The following CIMAP1D variants were observed in gnomAD, a reference collection of about 807,000 sequenced individuals.
The protein encoded by CIMAP1D is protein CIMAP1D.
chr19:477,702 G>C, the CIMAP1D span, among the ~76,000 whole-genome samples: 2 of 152,072 alleles, frequency 1.3e-5, no homozygotes, highest in Admixed American at 1.3e-4. Context: ...TCGCTCTGTC[G>C]CCCAGGCTGG....
chr19:463,793 C>A, the CIMAP1D span: 1 of 1,497,618 alleles, frequency 6.7e-7, no homozygotes, highest in Non-Finnish European at 8.8e-7. Flanking sequence ...AAGCCAGGCC[C>A]CAGGAGAGGC....
chr19:477,264 A>G, the CIMAP1D span, among the ~76,000 whole-genome samples: 1 of 152,180 alleles, frequency 6.6e-6, no homozygotes, highest in Non-Finnish European at 1.5e-5. Flanking sequence ...GAAATCCATG[A>G]AATTGAAAAC....
the CIMAP1D span, among the ~76,000 whole-genome samples, chr19:466,371 T>TGGGA: frequency 7.8e-5 from 2 of 25,682 alleles, no homozygotes; most frequent in African/African-American, 3.1e-4. Context: ...GGTGGGTGGG[T>TGGGA]GGGTGGATGG....
the CIMAP1D span, among the ~76,000 whole-genome samples, chr19:486,990 GATCCGCCC>G: frequency 6.6e-6 from 1 of 152,088 alleles, no homozygotes; most frequent in East Asian, 1.9e-4. Flanking sequence ...GACCTCAAGT[GATCCGCCC>G]ACCTCAGCCT....
chr19:463,745 C>G, the CIMAP1D span: 1 of 1,487,752 alleles, frequency 6.7e-7, no homozygotes, highest in South Asian at 1.2e-5. Context: ...GGGAAGACTC[C>G]TTTCCCAGCC....
chr19:485,141 A>G, the CIMAP1D span, among the ~76,000 whole-genome samples: 1 of 151,610 alleles, frequency 6.6e-6, no homozygotes. Context: ...CCAGCGGAGG[A>G]CCCTGCTGAC....
At chr19:475,182 C>T in the CIMAP1D span, among the ~76,000 whole-genome samples, 1 of 152,210 alleles carries the variant, frequency 6.6e-6, no homozygotes, top group Non-Finnish European at 1.5e-5. Context: ...CCTGGGGAAA[C>T]TGAGGCACAG....
At chr19:481,300 A>T in the CIMAP1D span, among the ~76,000 whole-genome samples, 73 of 105,858 alleles carry the variant, frequency 6.9e-4, no homozygotes, top group Admixed American at 7.7e-4. Flanking sequence ...GGATGATGGG[A>T]AGGATGATGG....
the CIMAP1D span, among the ~76,000 whole-genome samples, chr19:490,633 T>C: frequency 6.6e-6 from 1 of 152,212 alleles, no homozygotes; most frequent in Non-Finnish European, 1.5e-5. Flanking sequence ...TGTTTTCCAA[T>C]AGCTGCGTCC....
chr19:477,910 G>A, the CIMAP1D span, among the ~76,000 whole-genome samples: 321 of 152,268 alleles, frequency 2.1e-3, 2 homozygotes, highest in African/African-American at 7.5e-3. Context: ...CTGACCATCC[G>A]GACCTGCTTT....
At chr19:483,739 T>C in the CIMAP1D span, among the ~76,000 whole-genome samples, 64,195 of 152,012 alleles carry the variant, frequency 0.42, 15,280 homozygotes, top group African/African-American at 0.66. Context: ...CTTCCTCTCA[T>C]GGGTCCCCGG....
the CIMAP1D span, chr19:467,644 C>T: frequency 1.2e-6 from 2 of 1,602,220 alleles, no homozygotes; most frequent in Admixed American, 1.7e-5. Flanking sequence ...GGCTCCAGTA[C>T]TCACCCCGAG....
the CIMAP1D span, among the ~76,000 whole-genome samples, chr19:478,965 GAGAC>G: frequency 1.3e-5 from 2 of 152,224 alleles, no homozygotes; most frequent in East Asian, 3.8e-4. Context: ...CTTTCCCTTG[GAGAC>G]AGGCAGGCAG....
At chr19:479,998 T>A in the CIMAP1D span, among the ~76,000 whole-genome samples, 1 of 152,372 alleles carries the variant, frequency 6.6e-6, no homozygotes, top group East Asian at 1.9e-4. Context: ...TCTCAGGCAG[T>A]AACTGTGGCG....
chr19:464,163 G>A, the CIMAP1D span: 87 of 1,503,144 alleles, frequency 5.8e-5, no homozygotes, highest in African/African-American at 8.4e-5. Flanking sequence ...GCCCACCACC[G>A]TGTAGCTGGG....
the CIMAP1D span, among the ~76,000 whole-genome samples, chr19:478,017 C>T: frequency 2.6e-5 from 4 of 152,222 alleles, no homozygotes; most frequent in Non-Finnish European, 5.9e-5. Flanking sequence ...CTCGCTGGCC[C>T]CTTCCTCGGT....
the CIMAP1D span, among the ~76,000 whole-genome samples, chr19:488,384 T>C: frequency 2.7e-4 from 41 of 151,874 alleles, no homozygotes; most frequent in South Asian, 2.1e-4. Flanking sequence ...TAGCCGGGCG[T>C]GGTGGCAGGC....
the CIMAP1D span, among the ~76,000 whole-genome samples, chr19:472,074 G>C: frequency 6.6e-6 from 1 of 152,210 alleles, no homozygotes; most frequent in Non-Finnish European, 1.5e-5. Flanking sequence ...CAGAAACTGA[G>C]TTGCAAAGCA....
the CIMAP1D span, among the ~76,000 whole-genome samples, chr19:491,559 G>A: frequency 6.6e-6 from 1 of 151,962 alleles, no homozygotes; most frequent in Admixed American, 6.6e-5. Flanking sequence ...AGATGCCCCC[G>A]GGAGCACCAA....
Sources: allele counts gnomAD v4.1 joint callset (sites outside exome capture counted in the v4.1 genomes callset), GRCh38; gene constraint gnomAD v4.1.1; transcripts MANE v1.5; gene names NCBI Gene and HGNC (gene_info 2026-07-23, HGNC 2026-07-21).